ESRRG: variants seen among roughly 807,000 people sequenced by gnomAD.
The protein encoded by ESRRG is estrogen-related receptor gamma.
ESRRG carries 13 observed loss-of-function variants against 44.0 expected under a neutral mutation model. That is an observed-to-expected ratio of 0.30 (90% CI 0.19 to 0.47). The LOEUF is 0.47. Among genes scored for constraint, ESRRG ranks in the 20% least tolerant of loss-of-function variants. ESRRG has a pLI of 1.00. For synonymous variants in ESRRG, 215 were observed against 214.6 expected, an observed-to-expected ratio of 1.00 and a Z score of -0.02; for missense variants, 395 against 580.6, an observed-to-expected ratio of 0.68 and a Z score of 3.29.
At chr1:216,850,490 C>T (rs79591723) in intron 2 of ESRRG, among the ~76,000 whole-genome samples, 2,963 of 152,050 alleles carry the variant, frequency 0.019, 113 homozygotes, top group African/African-American at 0.069. Context: ...AAACCAAAAC[C>T]TTATGTAGAA....
chr1:216,671,109 A>G (rs1399623079), intron 2 of ESRRG, among the ~76,000 whole-genome samples: 4 of 152,166 alleles, frequency 2.6e-5, no homozygotes, highest in Admixed American at 6.5e-5. Context: ...GGTCACTCCC[A>G]CACCTCACAC....
chr1:216,517,783 T>C (rs1483163508), intron 6 of ESRRG, among the ~76,000 whole-genome samples: 2 of 152,132 alleles, frequency 1.3e-5, no homozygotes, highest in East Asian at 3.9e-4. Context: ...AATAACAATG[T>C]CATTTGTCAT....
chr1:216,598,337 T>C (rs1386324479), intron 3 of ESRRG, among the ~76,000 whole-genome samples: 1 of 152,196 alleles, frequency 6.6e-6, no homozygotes, highest in East Asian at 1.9e-4. Context: ...GGCTGCTACA[T>C]GTATCTGCAA....
intron 2 of ESRRG, among the ~76,000 whole-genome samples, chr1:216,907,164 A>C (rs1433623479): frequency 1.3e-5 from 2 of 152,162 alleles, no homozygotes; most frequent in African/African-American, 4.8e-5. Context: ...TCGCCTGGCC[A>C]CCGGCTGTTA....
At chr1:216,967,146 C>G (rs183288183) in intron 1 of ESRRG, among the ~76,000 whole-genome samples, 1 of 151,756 alleles carries the variant, frequency 6.6e-6, no homozygotes, top group Admixed American at 6.6e-5. Context: ...TATCGCCTAC[C>G]TACCCTCCAC....
Position 217,057,810 on chromosome 1 carries a change from C to T in ESRRG, c.-106+31697G>A, listed in dbSNP as rs1222577890. The stretch of plus-strand genomic sequence containing the variant: ...CACAAATTGATAAACTTTCTGAAAA[C>T]ACTATGAGATTTTGTTTGTTTTTAG... On this transcript the variant is annotated intron_variant, in intron 1 of 7. Transcript: ENST00000359162. Among the ~76,000 whole-genome samples the T allele has an allele frequency of 7.2e-5, 11 of 152,224 alleles. No individual in the cohort carries two copies. The East Asian group carries it at 2.1e-3, about 29-fold the overall frequency.
chr1:216,586,704 T>C lies in ESRRG; in HGVS notation c.590-18606A>G, dbSNP rs561036784. Among the ~76,000 whole-genome samples, 192 of 150,934 alleles carry C rather than the reference T, an allele frequency of 1.3e-3. 1 individual carries two copies. Among genetic ancestry groups the C allele is most frequent in the Non-Finnish European group, 2.1e-3 (140 of 67,888 alleles). On this transcript the variant is annotated intron_variant, in intron 3 of 6. Transcript: ENST00000408911. ...CAATTCACCTGCCTCAGCTCCAGAG[T>C]GGCTGGGACTACAGGCGCCCACCAC...
At chr1:217,016,604 G>A (rs985738447) in intron 1 of ESRRG, among the ~76,000 whole-genome samples, 4 of 151,952 alleles carry the variant, frequency 2.6e-5, no homozygotes, top group Non-Finnish European at 5.9e-5. Context: ...TATCTGGGCT[G>A]GAAATCCTGT....
chr1:216,791,231 T>A (rs557746642), intron 2 of ESRRG, among the ~76,000 whole-genome samples: 7 of 152,206 alleles, frequency 4.6e-5, no homozygotes, highest in Admixed American at 4.6e-4. Flanking sequence ...GGTACTGTCT[T>A]CACGACAGTG....
At chr1:216,876,784 T>C (rs913220286) in intron 2 of ESRRG, among the ~76,000 whole-genome samples, 12 of 152,092 alleles carry the variant, frequency 7.9e-5, no homozygotes, top group Non-Finnish European at 1.5e-4. Context: ...AAGGCTGCAG[T>C]CCACTGACCT....
At chr1:217,104,133 A>G (rs2092557651) in intron 1 of ESRRG, among the ~76,000 whole-genome samples, 1 of 152,340 alleles carries the variant, frequency 6.6e-6, no homozygotes, top group South Asian at 2.1e-4. Context: ...TAAGCTTCAC[A>G]GATTCATACT....
chr1:216,670,634 G>A (rs1044212479), intron 2 of ESRRG, among the ~76,000 whole-genome samples: 1 of 152,190 alleles, frequency 6.6e-6, no homozygotes, highest in African/African-American at 2.4e-5. Context: ...GCCAGGGCCT[G>A]AGCGGGACTC....
intron 3 of ESRRG, among the ~76,000 whole-genome samples, chr1:216,628,831 A>G (rs896523863): frequency 6.6e-6 from 1 of 152,206 alleles, no homozygotes; most frequent in African/African-American, 2.4e-5. Flanking sequence ...CTTCATTATC[A>G]AGTCCCTGAC....
intron 2 of ESRRG, among the ~76,000 whole-genome samples, chr1:216,848,874 A>G (rs1286127334): frequency 6.6e-6 from 1 of 152,026 alleles, no homozygotes; most frequent in Non-Finnish European, 1.5e-5. Flanking sequence ...GATATGCATT[A>G]GAAATATATG....
chr1:216,931,835 C>CAA lies in ESRRG; in HGVS notation c.-14+7745_-14+7746dup, dbSNP rs56050369. 2.2e-3 allele frequency among the ~76,000 whole-genome samples: 291 copies of CAA among 130,952 alleles called. 1 individual carries two copies. The highest frequency in any genetic ancestry group is 7.5e-3 in the African/African-American group (257 of 34,244). The allele number at this position is 130,952 out of a possible 152,430, so 85.9% of individuals were successfully genotyped here. On this transcript the variant is annotated intron_variant, in intron 2 of 7. Coordinates refer to the ESRRG transcript ENST00000359162. ...ATCAAGACAGAAAAATGAGAAACCA[C>CAA]AAAAAAAAAAAAAAACACAAAATAA...
intron 2 of ESRRG, among the ~76,000 whole-genome samples, chr1:216,916,409 C>T (rs1312839303): frequency 6.6e-6 from 1 of 152,168 alleles, no homozygotes; most frequent in Non-Finnish European, 1.5e-5. Context: ...TTTACAAACT[C>T]CCAAGTGAAA....
intron 3 of ESRRG, among the ~76,000 whole-genome samples, chr1:216,579,396 A>T (rs1301932843): frequency 6.6e-6 from 1 of 152,220 alleles, no homozygotes; most frequent in Middle Eastern, 3.4e-3. Flanking sequence ...AACATACCAA[A>T]ATTTTTTGTC....
At chr1:216,746,964 T>A (rs1487246916) in intron 2 of ESRRG, among the ~76,000 whole-genome samples, 9 of 152,194 alleles carry the variant, frequency 5.9e-5, no homozygotes, top group Non-Finnish European at 1.3e-4. Flanking sequence ...AGACCTTAGA[T>A]TATTATCAGT....
chr1:216,770,201 G>C (rs2093322475), intron 2 of ESRRG, among the ~76,000 whole-genome samples: 1 of 152,014 alleles, frequency 6.6e-6, no homozygotes, highest in African/African-American at 2.4e-5. Flanking sequence ...TGGAGTTCAA[G>C]GGTGCACATC....
Sources: allele counts gnomAD v4.1 joint callset (sites outside exome capture counted in the v4.1 genomes callset), GRCh38; gene constraint gnomAD v4.1.1; transcripts MANE v1.5; gene names NCBI Gene and HGNC (gene_info 2026-07-23, HGNC 2026-07-21).